ARNT2: variants seen among roughly 807,000 people sequenced by gnomAD.
The protein encoded by ARNT2 is aryl hydrocarbon receptor nuclear translocator 2, also known as ARNT protein 2.
Under a neutral mutation model 91.7 loss-of-function variants are expected in ARNT2, and 36 were observed. That is an observed-to-expected ratio of 0.39 (90% CI 0.30 to 0.52). The LOEUF (loss-of-function observed/expected upper bound fraction) is 0.52, where lower values mean the gene tolerates loss of function less well. Among genes scored for constraint, ARNT2 ranks in the 20% least tolerant of loss-of-function variants. The pLI is 0.72. For missense variants in ARNT2, 775 were observed against 939.3 expected, an observed-to-expected ratio of 0.83 and a Z score of 2.29; for synonymous variants, 365 against 347.1, an observed-to-expected ratio of 1.05 and a Z score of -0.57.
At chr15:80,515,870 C>CTT (rs984547948) in intron 8 of ARNT2, among the ~76,000 whole-genome samples, 11 of 129,940 alleles carry the variant, frequency 8.5e-5, no homozygotes, top group African/African-American at 2.0e-4. Context: ...ATGAAGTATT[C>CTT]TTTTTTTTTT....
At chr15:80,418,943 A>T (rs1160786865) in intron 1 of ARNT2, among the ~76,000 whole-genome samples, 1 of 152,176 alleles carries the variant, frequency 6.6e-6, no homozygotes, top group Non-Finnish European at 1.5e-5. Context: ...AGGTGCTGGG[A>T]ATACACTGGG....
At chr15:80,469,140 A>G (rs75252398) in intron 3 of ARNT2, among the ~76,000 whole-genome samples, 4,281 of 152,256 alleles carry the variant, frequency 0.028, 187 homozygotes, top group African/African-American at 0.096. Context: ...ATCCCAAGTA[A>G]CAGCTTTGTC....
rs897344214 is a variant in ARNT2, at chr15:80,524,389, T to G, written c.877+9984T>G. ...TGTGCACCTCTTGAGATACAGAAAT[T>G]ATGCTTTTAGGAACTTATTTCAAGG... On this transcript the variant is annotated intron_variant, in intron 8 of 18. Coordinates refer to ENST00000303329, the MANE Select transcript of ARNT2 (RefSeq NM_014862.4). Among the ~76,000 whole-genome samples, 6 of 152,308 alleles carry G rather than the reference T, an allele frequency of 3.9e-5. No homozygotes were observed. In the East Asian group the frequency reaches 1.2e-3, roughly 29 times the overall value.
intron 12 of ARNT2, among the ~76,000 whole-genome samples, chr15:80,571,461 T>C (rs1343119717): frequency 6.6e-6 from 1 of 152,232 alleles, no homozygotes; most frequent in Admixed American, 6.5e-5. Context: ...ATTGTGTTTC[T>C]ACCACACACA....
At chr15:80,484,195 A>G (rs997952475) in intron 5 of ARNT2, among the ~76,000 whole-genome samples, 2 of 152,074 alleles carry the variant, frequency 1.3e-5, no homozygotes, top group African/African-American at 2.4e-5. Context: ...AAAAAAAAAA[A>G]CAACTTGATT....
chr15:80,574,469 G>A (rs1898634575), intron 13 of ARNT2, among the ~76,000 whole-genome samples: 1 of 152,188 alleles, frequency 6.6e-6, no homozygotes, highest in Non-Finnish European at 1.5e-5. Flanking sequence ...AAGGGCTGAG[G>A]GACATTTCTG....
chr15:80,547,732 A>G (rs998400493), intron 8 of ARNT2, among the ~76,000 whole-genome samples: 1 of 152,210 alleles, frequency 6.6e-6, no homozygotes, highest in African/African-American at 2.4e-5. Flanking sequence ...ATCTGTCACC[A>G]TAATTTTGAC....
chr15:80,451,717 T>TCAACCAACCAAC (rs1006846817), intron 2 of ARNT2, among the ~76,000 whole-genome samples: 1 of 139,944 alleles, frequency 7.1e-6, no homozygotes, highest in African/African-American at 2.7e-5. Context: ...AACCAACCAA[T>TCAACCAACCAAC]CAACCAACCA....
intron 16 of ARNT2, among the ~76,000 whole-genome samples, chr15:80,580,859 C>T (rs530194273): frequency 1.3e-5 from 2 of 152,354 alleles, no homozygotes; most frequent in South Asian, 2.1e-4. Flanking sequence ...TCTGGCTGCC[C>T]CTGCGCCAGG....
intron 2 of ARNT2, among the ~76,000 whole-genome samples, chr15:80,455,546 C>T (rs116814485): frequency 0.014 from 2,102 of 152,078 alleles, 49 homozygotes; most frequent in African/African-American, 0.049. Flanking sequence ...TCTGTCTGGT[C>T]CCACAAAGGG....
intron 8 of ARNT2, among the ~76,000 whole-genome samples, chr15:80,519,860 A>ATTTTTTTTTT (rs539637778): frequency 8.4e-6 from 1 of 119,288 alleles, no homozygotes. Context: ...AATTTTTTGT[A>ATTTTTTTTTT]TTTTTTTTTT....
At chr15:80,561,327 C>T (rs913231661) in intron 11 of ARNT2, among the ~76,000 whole-genome samples, 2 of 152,132 alleles carry the variant, frequency 1.3e-5, no homozygotes, top group African/African-American at 4.8e-5. Flanking sequence ...GGGGTCTGCA[C>T]ATGCCTGTGG....
chr15:80,444,354 T>C (rs201345109), intron 1 of ARNT2: 19 of 107,270 alleles, frequency 1.8e-4, no homozygotes, highest in African/African-American at 7.4e-4. Context: ...TGTGTGTACG[T>C]GGTGTGTGTG....
chr15:80,543,695 T>A (rs1236718392), intron 8 of ARNT2, among the ~76,000 whole-genome samples: 1 of 152,226 alleles, frequency 6.6e-6, no homozygotes, highest in African/African-American at 2.4e-5. Flanking sequence ...TATGTCAAGT[T>A]TACTAATCTA....
intron 8 of ARNT2, 146 bp downstream of exon 8, chr15:80,514,551 T>A: frequency 1.4e-6 from 1 of 701,666 alleles, no homozygotes; most frequent in Non-Finnish European, 2.3e-6. Flanking sequence ...ATCTTTGTAA[T>A]TGGAAAACAT....
At position 80,517,592 on chromosome 15, in the gene ARNT2, A is replaced by G. The variant is rs1015807701; in HGVS notation, c.877+3187A>G. 1.3e-4 allele frequency among the ~76,000 whole-genome samples: 19 copies of G among 144,904 alleles called. 1 individual carries two copies. The highest frequency in any genetic ancestry group is 4.6e-4 in the African/African-American group (18 of 39,410). ...TTTTGTATTCCAATTACACAGATAT[A>G]TCTTTTGAAATTGTACCACAATTTT... is the stretch of plus-strand genomic sequence containing the variant. On this transcript the variant is annotated intron_variant, in intron 8 of 18. Coordinates refer to ENST00000303329, the MANE Select transcript of ARNT2 (RefSeq NM_014862.4).
chr15:80,581,145 C>T (rs761131330), intron 16 of ARNT2, 94 bp from the exon 17 acceptor site: 1 of 1,458,710 alleles, frequency 6.9e-7, no homozygotes, highest in Admixed American at 1.7e-5. Flanking sequence ...CAACCCAGAG[C>T]AGGCACTGCC....
Position 80,595,655 on chromosome 15 carries a change from T to A in ARNT2, c.*1957T>A, listed in dbSNP as rs1000076744. The A allele has an allele frequency of 3.9e-5, 6 of 152,278 alleles. No individual in the cohort carries two copies. Among genetic ancestry groups the A allele is most frequent in the African/African-American group, 1.4e-4 (6 of 41,472 alleles). The allele number at this position is 152,278 out of a possible 1,614,324, so 9.4% of individuals were successfully genotyped here. A position where few individuals can be genotyped will look rare whatever the true frequency, so the allele number is the denominator to read the frequency against. Reference sequence around the variant, plus strand: ...AACTTAACCCCAACTTTGCAGTTTCTAGAGCTTTTTGTCTGTAATGGTGAT... The same window carrying A: ...AACTTAACCCCAACTTTGCAGTTTCAAGAGCTTTTTGTCTGTAATGGTGAT... On this transcript the variant is annotated 3_prime_UTR_variant, in exon 19 of 19. Coordinates refer to ENST00000303329, the MANE Select transcript of ARNT2 (RefSeq NM_014862.4).
chr15:80,490,107 A>G (rs1354019947), intron 5 of ARNT2, among the ~76,000 whole-genome samples: 2 of 151,990 alleles, frequency 1.3e-5, no homozygotes, highest in East Asian at 3.9e-4. Flanking sequence ...CTCCCAGGAG[A>G]AAGTGGTGAG....
Sources: allele counts gnomAD v4.1 joint callset (sites outside exome capture counted in the v4.1 genomes callset), GRCh38; gene constraint gnomAD v4.1.1; transcripts MANE v1.5; gene names NCBI Gene and HGNC (gene_info 2026-07-23, HGNC 2026-07-21).